Variants in RHBDL2 observed in about 807,000 individuals in gnomAD.
RHBDL2 encodes rhomboid-related protein 2.
A neutral mutation model predicts 31.7 loss-of-function variants in RHBDL2; 26 were observed. The ratio of observed to expected loss-of-function variants is 0.82; its 90% CI spans 0.60 to 1.14. RHBDL2 has a LOEUF of 1.14. Ranked by LOEUF, RHBDL2 falls within the 50% of genes most tolerant of loss-of-function variation. The probability of loss-of-function intolerance (pLI) is 0.00; values close to 1 mark genes in which losing one functional copy is unlikely to be tolerated. For missense variants in RHBDL2, 336 were observed against 364.4 expected, an observed-to-expected ratio of 0.92 and a Z score of 0.63; for synonymous variants, 123 against 127.2, an observed-to-expected ratio of 0.97 and a Z score of 0.22.
intron 4 of RHBDL2, among the ~76,000 whole-genome samples, chr1:38,904,340 G>A (rs1643033256): frequency 6.6e-6 from 1 of 152,052 alleles, no homozygotes; most frequent in Non-Finnish European, 1.5e-5. Context: ...AGGTGTGGTG[G>A]TGTGCGCCTG....
chr1:38,933,261 C>A (rs1003833060), intron 1 of RHBDL2, among the ~76,000 whole-genome samples: 3 of 152,022 alleles, frequency 2.0e-5, no homozygotes, highest in Non-Finnish European at 2.9e-5. Flanking sequence ...TCTACCTAGC[C>A]CTCTCCCTTC....
chr1:38,938,546 C>A (rs1285727078), intron 1 of RHBDL2, among the ~76,000 whole-genome samples: 1 of 152,152 alleles, frequency 6.6e-6, no homozygotes, highest in Admixed American at 6.6e-5. Context: ...CTCCCACACT[C>A]CCCATTTGTT....
intron 5 of RHBDL2, among the ~76,000 whole-genome samples, chr1:38,893,530 A>G (rs1383483614): frequency 6.6e-6 from 1 of 152,176 alleles, no homozygotes; most frequent in Non-Finnish European, 1.5e-5. Context: ...AGATAAATAA[A>G]TGCTGTTAAA....
At chr1:38,927,839 G>C (rs990993566) in intron 1 of RHBDL2, among the ~76,000 whole-genome samples, 3 of 152,040 alleles carry the variant, frequency 2.0e-5, no homozygotes, top group African/African-American at 7.3e-5. Context: ...TGTAAAGCAG[G>C]GTAATAATAT....
At chr1:38,910,753 C>CTTTTTTTTTTTTTTTTTTTTTT (rs765064879) in intron 4 of RHBDL2, among the ~76,000 whole-genome samples, 1 of 111,076 alleles carries the variant, frequency 9.0e-6, no homozygotes, top group Admixed American at 9.6e-5. Context: ...TATTCCTTTT[C>CTTTTTTTTTTTTTTTTTTTTTT]TTTTTTTTTT....
intron 1 of RHBDL2, 23 bp from the exon 2 acceptor site, chr1:38,919,360 T>G (rs1188796015): frequency 1.3e-6 from 2 of 1,544,738 alleles, no homozygotes; most frequent in Admixed American, 4.0e-5. Flanking sequence ...AGAAGACAGC[T>G]GAAGATGATC....
intron 2 of RHBDL2, among the ~76,000 whole-genome samples, 195 bp from the exon 3 acceptor site, chr1:38,915,905 G>A (rs961738292): frequency 2.6e-5 from 4 of 152,168 alleles, no homozygotes; most frequent in Non-Finnish European, 5.9e-5. Context: ...TTCCTCTGAT[G>A]GTTGGGAGCA....
intron 1 of RHBDL2, among the ~76,000 whole-genome samples, chr1:38,933,718 T>A (rs1292679585): frequency 2.4e-5 from 3 of 124,496 alleles, no homozygotes; most frequent in Non-Finnish European, 4.8e-5. Context: ...ACCTCACAGG[T>A]CTTCACAATT....
intron 6 of RHBDL2, among the ~76,000 whole-genome samples, chr1:38,892,061 C>T (rs1287211692): frequency 6.6e-6 from 1 of 152,186 alleles, no homozygotes; most frequent in East Asian, 1.9e-4. Context: ...CTTCCATCCC[C>T]TCTCCAGACA....
chr1:38,928,393 C>T (rs1371180570), intron 1 of RHBDL2, among the ~76,000 whole-genome samples: 12 of 152,030 alleles, frequency 7.9e-5, no homozygotes, highest in African/African-American at 1.9e-4. Flanking sequence ...CCACCCGCCT[C>T]GGGCTCCCAA....
At chr1:38,926,155 A>C in intron 1 of RHBDL2, 1 of 1,081,266 alleles carries the variant, frequency 9.2e-7, no homozygotes, top group Non-Finnish European at 1.1e-6. Flanking sequence ...AGCTTGACCA[A>C]TCAGCTGCAT....
intron 2 of RHBDL2, among the ~76,000 whole-genome samples, chr1:38,917,473 C>T (rs181530263): frequency 7.0e-4 from 107 of 152,324 alleles, no homozygotes; most frequent in African/African-American, 2.5e-3. Context: ...TCCTCCATAG[C>T]ACTCATTGCC....
At chr1:38,894,814 C>T (rs1642896120) in intron 5 of RHBDL2, among the ~76,000 whole-genome samples, 1 of 139,418 alleles carries the variant, frequency 7.2e-6, no homozygotes, top group Non-Finnish European at 1.5e-5. Context: ...TCAAGCCATT[C>T]TTCTGCCTCA....
intron 4 of RHBDL2, among the ~76,000 whole-genome samples, chr1:38,908,565 G>A (rs1643098878): frequency 6.6e-6 from 1 of 150,692 alleles, no homozygotes; most frequent in Admixed American, 6.6e-5. Context: ...TACCCACTTA[G>A]GAGTGAAATG....
At chr1:38,911,012 C>T (rs969011492) in intron 4 of RHBDL2, among the ~76,000 whole-genome samples, 1 of 151,910 alleles carries the variant, frequency 6.6e-6, no homozygotes, top group Admixed American at 6.6e-5. Context: ...CTCCTGGCCT[C>T]GTGTGATCTA....
intron 4 of RHBDL2, among the ~76,000 whole-genome samples, chr1:38,897,858 C>T (rs1023363368): frequency 3.3e-5 from 5 of 152,282 alleles, no homozygotes; most frequent in Admixed American, 6.5e-5. Context: ...AGGCCGGGCA[C>T]GGTGGCTCAC....
chr1:38,888,888 G>A (rs1642818941), intron 6 of RHBDL2, among the ~76,000 whole-genome samples: 1 of 152,092 alleles, frequency 6.6e-6, no homozygotes, highest in Admixed American at 6.6e-5. Context: ...TACCAACTGT[G>A]GTAAAGTTGT....
chr1:38,923,637 G>T (rs11800441), intron 1 of RHBDL2, among the ~76,000 whole-genome samples: 9,391 of 152,296 alleles, frequency 0.062, 911 homozygotes, highest in African/African-American at 0.21. Flanking sequence ...ATTGAATGGA[G>T]CAGGAGTCTC....
chr1:38,904,857 C>A (rs1643041858), intron 4 of RHBDL2, among the ~76,000 whole-genome samples: 1 of 147,888 alleles, frequency 6.8e-6, no homozygotes, highest in South Asian at 2.1e-4. Flanking sequence ...CGGTGAAACC[C>A]CGTCTCTACT....
Sources: allele counts gnomAD v4.1 joint callset (sites outside exome capture counted in the v4.1 genomes callset), GRCh38; gene constraint gnomAD v4.1.1; transcripts MANE v1.5; gene names NCBI Gene and HGNC (gene_info 2026-07-23, HGNC 2026-07-21).